Variants in CLEC20A observed in about 807,000 individuals in gnomAD.
CLEC20A encodes the protein putative C-type lectin domain family 20 member A.
At chr1:178,493,093 G>C (rs932186170) in intron 2 of CLEC20A, among the ~76,000 whole-genome samples, 1 of 152,212 alleles carries the variant, frequency 6.6e-6, no homozygotes, top group Non-Finnish European at 1.5e-5. Flanking sequence ...ACCCAGAGGA[G>C]AGACAGCGCT....
intron 5 of CLEC20A, among the ~76,000 whole-genome samples, chr1:178,488,072 C>A (rs543758103): frequency 6.6e-6 from 1 of 152,212 alleles, no homozygotes; most frequent in Non-Finnish European, 1.5e-5. Flanking sequence ...CCTGCAATTC[C>A]GAGGGACTTT....
At chr1:178,481,398 C>T (rs537100027) in intron 7 of CLEC20A, 2 of 152,218 alleles carry the variant, frequency 1.3e-5, no homozygotes, top group African/African-American at 4.8e-5. Flanking sequence ...AGGTAAATGC[C>T]AATGTTTCCT....
At chr1:178,491,129 A>G (rs777956415) in intron 3 of CLEC20A, among the ~76,000 whole-genome samples, 1 of 152,236 alleles carries the variant, frequency 6.6e-6, no homozygotes, top group Non-Finnish European at 1.5e-5. Flanking sequence ...CACCACTGCC[A>G]GTCCCTGCCT....
At chr1:178,479,462 A>G in exon 8 of CLEC20A, 1 of 396,798 alleles carries the variant, frequency 2.5e-6, no homozygotes, top group Non-Finnish European at 4.4e-6. Context: ...TCTACTAGGG[A>G]TTAAAAAATT....
At chr1:178,481,279 T>G (rs1648978288) in intron 7 of CLEC20A, 1 of 152,244 alleles carries the variant, frequency 6.6e-6, no homozygotes, top group African/African-American at 2.4e-5. Flanking sequence ...CATTATATAC[T>G]CACACACACA....
chr1:178,494,235 G>T (rs1305025166), intron 2 of CLEC20A, among the ~76,000 whole-genome samples: 1 of 152,112 alleles, frequency 6.6e-6, no homozygotes, highest in Non-Finnish European at 1.5e-5. Flanking sequence ...TCTCTATTAA[G>T]GTTGGTTTTT....
intron 6 of CLEC20A, chr1:178,482,969 A>G (rs1397385185): frequency 5.3e-6 from 2 of 380,496 alleles, no homozygotes; most frequent in Non-Finnish European, 9.3e-6. Context: ...ACAGAAGAGA[A>G]ATAGAAATTC....
At chr1:178,499,121 G>C (rs1649467594), upstream of CLEC20A, among the ~76,000 whole-genome samples, 1 of 152,124 alleles carries the variant, frequency 6.6e-6, no homozygotes, top group African/African-American at 2.4e-5. Context: ...CCTCACCCCA[G>C]CTCAGGCCCA....
chr1:178,483,418 G>A (rs1344246488), intron 5 of CLEC20A, 136 bp from the exon 6 acceptor site: 24 of 394,828 alleles, frequency 6.1e-5, no homozygotes, highest in South Asian at 5.7e-4. Context: ...AGAAGCCAGC[G>A]ATGTGGGAAG....
intron 3 of CLEC20A, among the ~76,000 whole-genome samples, chr1:178,491,301 G>C (rs1215001180): frequency 6.6e-6 from 1 of 152,136 alleles, no homozygotes; most frequent in Non-Finnish European, 1.5e-5. Flanking sequence ...CCGGAGGCCC[G>C]GAAGATGAAA....
chr1:178,490,477 T>C (rs2101872288), intron 3 of CLEC20A, 40 bp from the exon 4 acceptor site: 1 of 398,564 alleles, frequency 2.5e-6, no homozygotes, highest in East Asian at 3.6e-5. Context: ...CCTGAGGGCC[T>C]GGGTCTCTGA....
In CLEC20A at chr1:178,482,094, A is replaced by AAC. The variant is rs1185245128; in HGVS notation, c.1122+217_1122+218insGT. On this transcript the variant is annotated intron_variant, in intron 7 of 7. Coordinates refer to ENST00000623247, the Ensembl canonical transcript of CLEC20A. ...AAAAACAAAAAAACAAAAAAACAAC[A>AAC]AAAAAAAAAACTTAGGAAAGACATT... 6.8e-5 allele frequency: 18 copies of AAC among 265,066 alleles called. 1 individual carries two copies. The highest frequency in any genetic ancestry group is 4.4e-4 in the African/African-American group (11 of 25,002). 16.4% of individuals were successfully genotyped at this position (265,066 alleles called of 1,614,324 possible).
intron 1 of CLEC20A, among the ~76,000 whole-genome samples, chr1:178,495,489 G>A (rs1649365848): frequency 6.6e-6 from 1 of 152,226 alleles, no homozygotes; most frequent in Non-Finnish European, 1.5e-5. Flanking sequence ...AAGATCTGCT[G>A]CTGGGACTAG....
At chr1:178,497,035 T>G (rs1649414819), upstream of CLEC20A, 4 of 398,792 alleles carry the variant, frequency 1.0e-5, no homozygotes, top group South Asian at 5.1e-4. Context: ...CGTCTGACCT[T>G]CTGGCCTTTC....
chr1:178,493,264 G>A (rs2101876152), intron 2 of CLEC20A, among the ~76,000 whole-genome samples: 1 of 152,284 alleles, frequency 6.6e-6, no homozygotes, highest in South Asian at 2.1e-4. Flanking sequence ...CCACCCCTGG[G>A]AATCTCCTTA....
chr1:178,480,858 C>CA (rs1648953521), intron 7 of CLEC20A: 1 of 151,346 alleles, frequency 6.6e-6, no homozygotes, highest in East Asian at 1.9e-4. Flanking sequence ...CACCACCCCC[C>CA]ACCAAAAAAA....
At chr1:178,498,688 T>C (rs1375234107), upstream of CLEC20A, among the ~76,000 whole-genome samples, 1 of 152,172 alleles carries the variant, frequency 6.6e-6, no homozygotes, top group Non-Finnish European at 1.5e-5. Context: ...TTGTGTTCTC[T>C]CTCTCTCTAC....
chr1:178,496,857 G>T, intron 1 of CLEC20A, 43 bp downstream of exon 1: 2 of 398,596 alleles, frequency 5.0e-6, no homozygotes, highest in Middle Eastern at 1.3e-3. Context: ...TAGCCCGGGG[G>T]AGCATGGAGC....
At chr1:178,487,716 G>T (rs1317080867) in intron 5 of CLEC20A, among the ~76,000 whole-genome samples, 1 of 152,198 alleles carries the variant, frequency 6.6e-6, no homozygotes, top group Non-Finnish European at 1.5e-5. Flanking sequence ...TTGCCTGGTG[G>T]CTGTGCCTGG....
Sources: gnomAD v4.1 joint callset for allele counts (sites outside exome capture counted in the v4.1 genomes callset) on GRCh38, gnomAD v4.1.1 for gene constraint, MANE v1.5 for transcripts, NCBI Gene and HGNC (gene_info 2026-07-23, HGNC 2026-07-21) for gene names.